The following TCF7L2 variants were observed in gnomAD, a reference collection of about 807,000 sequenced individuals.
TCF7L2 encodes transcription factor 7-like 2.
In TCF7L2, 23 loss-of-function variants were observed where a neutral mutation model predicts 77.9. That is an observed-to-expected ratio of 0.30 (90% CI 0.21 to 0.42). The LOEUF (loss-of-function observed/expected upper bound fraction) is 0.42, where lower values mean the gene tolerates loss of function less well. Ranked by LOEUF, TCF7L2 falls within the 10% of genes least tolerant of loss-of-function variation. TCF7L2 has a pLI of 1.00. For missense variants in TCF7L2, 654 were observed against 793.1 expected (o/e 0.82, Z 2.11); for synonymous variants, 413 against 340.2 (o/e 1.21, Z -2.36).
chr10:113,091,886 C>A (rs900838681), intron 5 of TCF7L2, among the ~76,000 whole-genome samples: 1 of 152,224 alleles, frequency 6.6e-6, no homozygotes, highest in South Asian at 2.1e-4. Context: ...GGGAGGCCCC[C>A]TTTTCTCTGC....
At position 113,046,231 on chromosome 10, in the gene TCF7L2, G is replaced by C. The variant is rs895413993; in HGVS notation, c.552+6105G>C. Among the ~76,000 whole-genome samples, 4 of 152,144 alleles carry C rather than the reference G, an allele frequency of 2.6e-5. No individual in the cohort carries two copies. The East Asian group carries it at 7.7e-4, about 29-fold the overall frequency. On this transcript the variant is annotated intron_variant, in intron 5 of 13. Coordinates refer to ENST00000627217, the MANE Select transcript of TCF7L2 (RefSeq NM_001146274.2). Reference sequence around the variant, plus strand: ...GCAATAGAAAATATCCCATCAAGAAGGATTGTGTGACCTCAGTTGTAGCCC... The same window carrying C: ...GCAATAGAAAATATCCCATCAAGAACGATTGTGTGACCTCAGTTGTAGCCC...
chr10:112,984,777 G>T (rs1415414560), intron 4 of TCF7L2, among the ~76,000 whole-genome samples: 1 of 152,152 alleles, frequency 6.6e-6, no homozygotes, highest in African/African-American at 2.4e-5. Flanking sequence ...GCAGATAGCT[G>T]GTTCTCTGGG....
intron 11 of TCF7L2, among the ~76,000 whole-genome samples, chr10:113,154,279 A>G (rs2071384182): frequency 6.6e-6 from 1 of 152,218 alleles, no homozygotes; most frequent in Admixed American, 6.5e-5. Context: ...CTCCACGTAC[A>G]CAACCATATC....
chr10:113,038,090 C>T (rs1375620333), intron 4 of TCF7L2, among the ~76,000 whole-genome samples: 1 of 152,044 alleles, frequency 6.6e-6, no homozygotes, highest in East Asian at 1.9e-4. Context: ...ATACTGCTCC[C>T]AGAGAAGGTA....
intron 5 of TCF7L2, among the ~76,000 whole-genome samples, chr10:113,084,384 C>T (rs1298281466): frequency 6.6e-6 from 1 of 152,200 alleles, no homozygotes; most frequent in Non-Finnish European, 1.5e-5. Flanking sequence ...TTAGCTCAAG[C>T]CCGAAGGCAG....
At chr10:113,106,216 A>G (rs2062299014) in intron 5 of TCF7L2, among the ~76,000 whole-genome samples, 1 of 152,198 alleles carries the variant, frequency 6.6e-6, no homozygotes, top group African/African-American at 2.4e-5. Flanking sequence ...AATCTGTTAC[A>G]GAATCTTGGA....
In TCF7L2 at chr10:112,985,000, C is replaced by T. The variant is rs112264021; in HGVS notation, c.450+20376C>T. Among the ~76,000 whole-genome samples, 788 of 152,246 alleles carry T rather than the reference C, an allele frequency of 5.2e-3. 10 individuals carry two copies. The highest frequency in any genetic ancestry group is 0.027 in the South Asian group (130 of 4,824). On this transcript the variant is annotated intron_variant, in intron 4 of 13. Coordinates refer to ENST00000627217, the MANE Select transcript of TCF7L2 (RefSeq NM_001146274.2). ...AGTGTCCGTTTATTGCCTGTGGGAC[C>T]GCCCTGAGCCTTAGTTTTATCTATA...
intron 5 of TCF7L2, among the ~76,000 whole-genome samples, chr10:113,086,117 G>A (rs531773647): frequency 1.3e-5 from 2 of 152,194 alleles, no homozygotes; most frequent in Non-Finnish European, 2.9e-5. Context: ...CACTCGTCAT[G>A]TCAGGAGCAT....
intron 4 of TCF7L2, among the ~76,000 whole-genome samples, chr10:113,018,981 G>A (rs534910188): frequency 4.0e-4 from 61 of 152,288 alleles, no homozygotes; most frequent in Non-Finnish European, 5.9e-4. Flanking sequence ...CCCAAGCAGC[G>A]TCCAGAGGGA....
chr10:112,995,190 C>T lies in TCF7L2; in HGVS notation c.450+30566C>T, dbSNP rs1237316198. The stretch of plus-strand genomic sequence containing the variant: ...GCTGCTCTCTGGGTAGAGATGGGAA[C>T]CCAGGCCTCGGGCCAGTGAGTGGAA... On this transcript the variant is annotated intron_variant, in intron 4 of 13. Transcript: ENST00000627217. Among the ~76,000 whole-genome samples the T allele has an allele frequency of 3.3e-5, 5 of 152,294 alleles. No individual in the cohort carries two copies. The East Asian group carries it at 9.6e-4, about 29-fold the overall frequency.
intron 5 of TCF7L2, among the ~76,000 whole-genome samples, chr10:113,138,195 T>C (rs1306921183): frequency 6.6e-6 from 1 of 151,986 alleles, no homozygotes; most frequent in African/African-American, 2.4e-5. Flanking sequence ...ACAGGTCCCA[T>C]TTTTTCCCCC....
intron 5 of TCF7L2, chr10:113,089,344 G>A: frequency 6.4e-7 from 1 of 1,571,232 alleles, no homozygotes; most frequent in Non-Finnish European, 8.6e-7. Flanking sequence ...GTGCCTTGGT[G>A]ACGTGTCCCC....
chr10:113,140,460 G>A (rs1031273765), intron 5 of TCF7L2, among the ~76,000 whole-genome samples: 2 of 151,876 alleles, frequency 1.3e-5, no homozygotes, highest in Non-Finnish European at 2.9e-5. Context: ...AGCCCAATTC[G>A]TCATCATCCA....
chr10:113,139,807 C>T (rs2068017255), intron 5 of TCF7L2, among the ~76,000 whole-genome samples: 1 of 89,858 alleles, frequency 1.1e-5, no homozygotes, highest in Non-Finnish European at 2.0e-5. Context: ...CTTCCTCACC[C>T]ATTTAAAAAA....
rs1419041578 is a variant in TCF7L2, at chr10:113,167,359, A to C, written c.*1387A>C. On this transcript the variant is annotated 3_prime_UTR_variant, in exon 14 of 14. Coordinates refer to ENST00000627217, the MANE Select transcript of TCF7L2 (RefSeq NM_001146274.2). ...GGCAGCAGACTTTAAAAATAAAAAA[A>C]ACCTAGGCATGTTGATGTTGCAAAA... is the stretch of plus-strand genomic sequence containing the variant. 4.4e-6 allele frequency: 1 copy of C among 226,994 alleles called. No homozygotes were observed. Among genetic ancestry groups the C allele is most frequent in the African/African-American group, 2.2e-5 (1 of 45,016 alleles). 14.1% of individuals were successfully genotyped at this position (226,994 alleles called of 1,614,324 possible).
At position 113,100,069 on chromosome 10, in the gene TCF7L2, C is replaced by A. The variant is rs569877406; in HGVS notation, c.553-41115C>A. On this transcript the variant is annotated intron_variant, in intron 5 of 13. Coordinates refer to ENST00000627217, the MANE Select transcript of TCF7L2 (RefSeq NM_001146274.2). The stretch of plus-strand genomic sequence containing the variant: ...GCAAGCGTGATAGAGTCAGGTCATC[C>A]GTGACTTAGCTGAGAGGAAGGACTT... Among the ~76,000 whole-genome samples the A allele has an allele frequency of 1.6e-4, 24 of 152,266 alleles. No individual in the cohort carries two copies. In the South Asian group the frequency reaches 5.0e-3, roughly 32 times the overall value.
intron 3 of TCF7L2, among the ~76,000 whole-genome samples, chr10:112,956,610 C>G (rs1427317165): frequency 6.6e-6 from 1 of 152,028 alleles, no homozygotes; most frequent in African/African-American, 2.4e-5. Context: ...GTAAGTAAAT[C>G]TTCAACTCTG....
intron 4 of TCF7L2, among the ~76,000 whole-genome samples, chr10:112,987,114 T>A (rs142334511): frequency 6.2e-4 from 94 of 152,356 alleles, no homozygotes; most frequent in Admixed American, 2.0e-3. Flanking sequence ...TTAAAAATAC[T>A]TACCGAGCAT....
intron 5 of TCF7L2, among the ~76,000 whole-genome samples, chr10:113,108,666 A>G (rs2062732164): frequency 6.6e-6 from 1 of 152,202 alleles, no homozygotes. Flanking sequence ...CGCCCCCTGC[A>G]GTATGGACGT....
Sources: allele counts gnomAD v4.1 joint callset (sites outside exome capture counted in the v4.1 genomes callset), GRCh38; gene constraint gnomAD v4.1.1; transcripts MANE v1.5; gene names NCBI Gene and HGNC (gene_info 2026-07-23, HGNC 2026-07-21).